The following CNTNAP2 variants were observed in gnomAD, a reference collection of about 807,000 sequenced individuals.
CNTNAP2 encodes the protein contactin associated protein 2.
CNTNAP2 carries 98 observed loss-of-function variants against 155.2 expected under a neutral mutation model. That is an observed-to-expected ratio of 0.63 (90% confidence interval 0.54 to 0.75). The LOEUF is 0.75. CNTNAP2 is among the 30% of genes least tolerant of loss of function. The probability of loss-of-function intolerance (pLI) is 0.00; values close to 1 mark genes in which losing one functional copy is unlikely to be tolerated. For synonymous variants in CNTNAP2, 651 were observed against 631.2 expected (o/e 1.03, Z -0.47); for missense variants, 1,727 against 1,688.1 (o/e 1.02, Z -0.40).
intron 3 of CNTNAP2, among the ~76,000 whole-genome samples, chr7:146,941,991 C>G (rs901874095): frequency 9.9e-5 from 15 of 151,944 alleles, no homozygotes; most frequent in African/African-American, 3.6e-4. Context: ...TGTATAGAAT[C>G]TGAATGAAGA....
chr7:146,748,138 C>CTTTTT, intron 1 of CNTNAP2, among the ~76,000 whole-genome samples: 1 of 108,500 alleles, frequency 9.2e-6, no homozygotes, highest in Non-Finnish European at 1.8e-5. Context: ...CTTTTCTTTT[C>CTTTTT]TTTTCTTTTT....
At chr7:147,631,459 TC>T (rs1267706226) in intron 12 of CNTNAP2, among the ~76,000 whole-genome samples, 4 of 152,192 alleles carry the variant, frequency 2.6e-5, no homozygotes, top group African/African-American at 9.6e-5. Context: ...TCAATATTCT[TC>T]ACAGAACTAT....
At chr7:147,090,862 T>C (rs1445111692) in intron 4 of CNTNAP2, among the ~76,000 whole-genome samples, 3 of 152,220 alleles carry the variant, frequency 2.0e-5, no homozygotes, top group African/African-American at 4.8e-5. Context: ...GTGGATTTTA[T>C]GTTTTAAAAT....
At chr7:146,715,269 T>C (rs147710383) in intron 1 of CNTNAP2, among the ~76,000 whole-genome samples, 244 of 152,202 alleles carry the variant, frequency 1.6e-3, no homozygotes, top group Non-Finnish European at 3.0e-3. Context: ...GAGGGGGACA[T>C]TGCAGTGAGC....
At position 146,874,289 on chromosome 7, in the gene CNTNAP2, CTT is replaced by C. The variant is rs528509310; in HGVS notation, c.402+34387_402+34388del. The stretch of plus-strand genomic sequence containing the variant: ...TAGTTAAAATGAGGATCTATTAGAA[CTT>C]TGTCTAGATAAACAAAAGAAATTAA... On this transcript the variant is annotated intron_variant, in intron 3 of 23. Transcript: ENST00000361727. 5.3e-5 allele frequency among the ~76,000 whole-genome samples: 8 copies of C among 152,110 alleles called. No homozygotes were observed. In the East Asian group the frequency reaches 1.5e-3, roughly 29 times the overall value.
intron 14 of CNTNAP2, among the ~76,000 whole-genome samples, chr7:147,954,492 G>C (rs1800987196): frequency 6.6e-6 from 1 of 151,964 alleles, no homozygotes; most frequent in African/African-American, 2.4e-5. Flanking sequence ...CTTACTGAAA[G>C]ATGATGACAT....
At chr7:146,676,891 G>T (rs1355608177) in intron 1 of CNTNAP2, among the ~76,000 whole-genome samples, 1 of 152,134 alleles carries the variant, frequency 6.6e-6, no homozygotes, top group African/African-American at 2.4e-5. Context: ...AATTATGGGA[G>T]CTACAGTTCA....
chr7:146,799,017 G>A (rs1250435266), intron 2 of CNTNAP2, among the ~76,000 whole-genome samples: 2 of 151,978 alleles, frequency 1.3e-5, no homozygotes, highest in Non-Finnish European at 2.9e-5. Context: ...CTTTCATTTT[G>A]ATGCATTATT....
At chr7:148,081,291 G>A (rs776471078) in intron 15 of CNTNAP2, among the ~76,000 whole-genome samples, 11 of 152,122 alleles carry the variant, frequency 7.2e-5, no homozygotes, top group Non-Finnish European at 1.3e-4. Flanking sequence ...GAGTGTCAAC[G>A]TGATTGGATT....
intron 8 of CNTNAP2, among the ~76,000 whole-genome samples, chr7:147,151,246 T>G (rs1801818888): frequency 6.6e-6 from 1 of 152,104 alleles, no homozygotes; most frequent in Non-Finnish European, 1.5e-5. Context: ...CCTAGGCTAG[T>G]GAAAAACAAT....
chr7:147,309,680 T>C (rs1446477692), intron 9 of CNTNAP2, among the ~76,000 whole-genome samples: 1 of 152,150 alleles, frequency 6.6e-6, no homozygotes, highest in Non-Finnish European at 1.5e-5. Flanking sequence ...CTTGAAAATA[T>C]TCAAATCAAT....
intron 22 of CNTNAP2, among the ~76,000 whole-genome samples, chr7:148,384,207 C>T (rs1186626387): frequency 2.0e-5 from 3 of 152,178 alleles, no homozygotes; most frequent in African/African-American, 4.8e-5. Flanking sequence ...CTCACTTTTG[C>T]CTCTTATGAC....
intron 17 of CNTNAP2, among the ~76,000 whole-genome samples, chr7:148,163,395 A>C (rs1442290129): frequency 6.6e-6 from 1 of 152,144 alleles, no homozygotes; most frequent in Non-Finnish European, 1.5e-5. Flanking sequence ...ATAGTTTACC[A>C]TGCTTATCCT....
chr7:146,536,742 C>T (rs1046100418), intron 1 of CNTNAP2, among the ~76,000 whole-genome samples: 5 of 151,970 alleles, frequency 3.3e-5, no homozygotes, highest in East Asian at 1.9e-4. Context: ...AGTCACGTTG[C>T]GTGAAGGGTC....
At chr7:147,575,235 G>A (rs5006630) in intron 12 of CNTNAP2, among the ~76,000 whole-genome samples, 163 of 23,414 alleles carry the variant, frequency 7.0e-3, no homozygotes, top group East Asian at 0.022. Context: ...GCATATGTGT[G>A]TGTTTGTGTG....
chr7:146,164,023 A>G (rs916937436), intron 1 of CNTNAP2, among the ~76,000 whole-genome samples: 1 of 152,158 alleles, frequency 6.6e-6, no homozygotes, highest in Non-Finnish European at 1.5e-5. Context: ...TGTTGATATT[A>G]TATTTGCTTC....
intron 20 of CNTNAP2, among the ~76,000 whole-genome samples, chr7:148,231,871 T>C (rs1398600203): frequency 6.6e-6 from 1 of 152,060 alleles, no homozygotes. Flanking sequence ...AGAATGCAGT[T>C]CCAGAAAAAG....
At chr7:147,989,743 C>T (rs1033332478) in intron 15 of CNTNAP2, among the ~76,000 whole-genome samples, 2 of 152,154 alleles carry the variant, frequency 1.3e-5, no homozygotes, top group Non-Finnish European at 2.9e-5. Flanking sequence ...TCCACATAAG[C>T]AATCTCTCAT....
chr7:147,921,598 C>T (rs1426050037), intron 14 of CNTNAP2, among the ~76,000 whole-genome samples: 1 of 152,122 alleles, frequency 6.6e-6, no homozygotes, highest in Non-Finnish European at 1.5e-5. Context: ...AGACTAATGA[C>T]AATGATAGGT....
Sources: gnomAD v4.1 joint callset for allele counts (sites outside exome capture counted in the v4.1 genomes callset) on GRCh38, gnomAD v4.1.1 for gene constraint, MANE v1.5 for transcripts, NCBI Gene and HGNC (gene_info 2026-07-23, HGNC 2026-07-21) for gene names.